Variants in CYP4F12 observed in about 807,000 individuals in gnomAD.
CYP4F12 encodes cytochrome P450 family 4 subfamily F member 12, also known as cytochrome P450 4F12.
Under a neutral mutation model 56.5 loss-of-function variants are expected in CYP4F12, and 60 were observed. That is an observed-to-expected ratio of 1.06 (90% CI 0.86 to 1.32). CYP4F12 has a LOEUF of 1.32. Among genes scored for constraint, CYP4F12 ranks in the 40% most tolerant of loss-of-function variants. The pLI, the probability that CYP4F12 is intolerant of heterozygous loss-of-function variation, is 0.00. For missense variants in CYP4F12, 711 were observed against 683.5 expected (o/e 1.04, Z -0.45); for synonymous variants, 263 against 264.9 (o/e 0.99, Z 0.07).
intron 9 of CYP4F12, among the ~76,000 whole-genome samples, chr19:15,687,237 A>G (rs2007657495): frequency 6.6e-6 from 1 of 150,822 alleles, no homozygotes; most frequent in African/African-American, 2.4e-5. Flanking sequence ...AGATGGCACC[A>G]TTGCACTCCA....
intron 5 of CYP4F12, 190 bp downstream of exon 5, chr19:15,680,709 A>G (rs2007250882): frequency 1.4e-6 from 1 of 719,486 alleles, no homozygotes; most frequent in African/African-American, 1.7e-5. Flanking sequence ...GGCACACAGT[A>G]GGTTCTCAGA....
At chr19:15,678,121 A>T in intron 2 of CYP4F12, 140 bp from the exon 3 acceptor site, 2 of 1,109,174 alleles carry the variant, frequency 1.8e-6, no homozygotes, top group Non-Finnish European at 2.6e-6. Context: ...TTACCTTCAA[A>T]TGCTAATCTC....
chr19:15,681,271 C>T (rs673020), intron 5 of CYP4F12: 3,754 of 152,292 alleles, frequency 0.025, 17 homozygotes, highest in African/African-American at 0.087. Context: ...TAAAATAGAA[C>T]GCATCTCTTA....
intron 9 of CYP4F12, among the ~76,000 whole-genome samples, chr19:15,685,519 C>G (rs1460217322): frequency 6.6e-6 from 1 of 152,174 alleles, no homozygotes; most frequent in Non-Finnish European, 1.5e-5. Context: ...TTCGAAAATC[C>G]TCACTTCTTG....
intron 5 of CYP4F12, chr19:15,680,999 C>G (rs595381): frequency 0.021 from 4,918 of 236,092 alleles, 75 homozygotes; most frequent in African/African-American, 0.11. Context: ...CCTTCAGACT[C>G]ATCTGGGATG....
intron 9 of CYP4F12, among the ~76,000 whole-genome samples, chr19:15,689,947 C>T (rs967812382): frequency 6.6e-6 from 1 of 152,078 alleles, no homozygotes; most frequent in East Asian, 1.9e-4. Flanking sequence ...TTTGGAGACT[C>T]GGAGAGCAAG....
rs777997821 is a variant in CYP4F12, at chr19:15,697,054, G to A, written c.1544G>A (p.Arg515Gln). 12 of 1,614,012 alleles carry A rather than the reference G, an allele frequency of 7.4e-6. No individual in the cohort carries two copies. The highest frequency in any genetic ancestry group is 1.1e-5 in the South Asian group (1 of 91,072). The change falls in exon 13 of 13, where the codon CGG (arginine) becomes CAG (glutamine). Residue 515 changes from arginine (R) to glutamine (Q), a missense_variant. Transcript: ENST00000550308. ...IMRAEGGLWL[R>Q]VEPLNVSLQ is the part of the protein sequence containing the mutation. ...CGCGCCGAGGGCGGGCTTTGGCTGC[G>A]GGTGGAGCCCCTGAATGTAAGCTTG...
rs2007455952 is a variant in CYP4F12 at position 15,683,899 on chromosome 19, G to GT, written c.918+140dup. 3.4e-6 allele frequency: 4 copies of GT among 1,186,806 alleles called. No individual in the cohort carries two copies. The South Asian group carries it at 7.0e-5, about 21-fold the overall frequency. 73.5% of individuals were successfully genotyped at this position (1,186,806 alleles called of 1,614,324 possible). ...TTGAGAAAGGGAAGGTCACAGATAG[G>GT]TTTTAGAGATGACTTTATTGCATGC... is the stretch of plus-strand genomic sequence containing the variant. On this transcript the variant is annotated intron_variant, in intron 7 of 12. Transcript: ENST00000550308.
intron 9 of CYP4F12, among the ~76,000 whole-genome samples, chr19:15,695,310 A>G (rs1436565977): frequency 7.0e-6 from 1 of 142,814 alleles, no homozygotes; most frequent in East Asian, 2.2e-4. Flanking sequence ...CAATGAGAAC[A>G]CATGGACACA....
In CYP4F12 at chr19:15,682,403, C is replaced by G; in HGVS notation, c.540C>G (p.His180Gln). The G allele has an allele frequency of 6.2e-7, 1 of 1,613,268 alleles. No individual in the cohort carries two copies. The highest frequency in any genetic ancestry group is 1.1e-5 in the South Asian group (1 of 91,076). ...TCTCTGGCCAGGACAAGTGGCAGCACCTGGCCTCAGAGGGCAGCAGTCGTC... is the reference window on the plus strand; with the variant it reads ...TCTCTGGCCAGGACAAGTGGCAGCAGCTGGCCTCAGAGGGCAGCAGTCGTC... Reference protein sequence around the residue: ...SANIMLDKWQHLASEGSSRLD... With the variant: ...SANIMLDKWQQLASEGSSRLD... The change falls in exon 6 of 13, where the codon CAC (histidine) becomes CAG (glutamine). Residue 180 changes from histidine to glutamine, a missense_variant. Physicochemically the swap from His to Gln is conservative, Grantham distance 24 (BLOSUM62 0). Transcript: ENST00000550308.
intron 9 of CYP4F12, among the ~76,000 whole-genome samples, chr19:15,686,975 A>G (rs188112946): frequency 1.3e-5 from 2 of 152,316 alleles, no homozygotes; most frequent in Admixed American, 1.3e-4. Context: ...TGTAAACAAA[A>G]AAAAGTGTCT....
Position 15,696,206 on chromosome 19 carries a change from C to A in CYP4F12, c.1295C>A (p.Thr432Asn), listed in dbSNP as rs201153990. 227 of 1,614,152 alleles carry A rather than the reference C, an allele frequency of 1.4e-4. 2 individuals are homozygous for A. The East Asian group carries it at 4.8e-3, about 34-fold the overall frequency. The part of the protein sequence containing the change: ...IDIIGVHHNP[T>N]VWPDPEVYDP... ...ATTATAGGGGTCCATCACAACCCAA[C>A]TGTGTGGCCGGATCCTGAGGTGCTG... The change falls in exon 11 of 13, where the codon ACT becomes AAT. Residue 432 changes from threonine (T) to asparagine (N), a missense_variant. By Grantham distance (65) the Thr-to-Asn change is moderately conservative. Coordinates refer to ENST00000550308, the MANE Select transcript of CYP4F12 (RefSeq NM_023944.4).
At chr19:15,679,896 G>A (rs688097) in intron 3 of CYP4F12, among the ~76,000 whole-genome samples, 3,738 of 152,128 alleles carry the variant, frequency 0.025, 16 homozygotes, top group African/African-American at 0.086. Flanking sequence ...TCCATGTCAG[G>A]AGATGACAGA....
At position 15,682,514 on chromosome 19, in the gene CYP4F12, A is replaced by C. The variant is rs759588710; in HGVS notation, c.647+4A>C. 6.8e-6 allele frequency: 11 copies of C among 1,612,912 alleles called. No individual in the cohort carries two copies. The highest frequency in any genetic ancestry group is 7.6e-6 in the Non-Finnish European group (9 of 1,179,292). On this transcript the variant is annotated splice_donor_region_variant and intron_variant, in intron 6 of 12. Transcript: ENST00000550308. The stretch of plus-strand genomic sequence containing the variant: ...GCTTTGACAGCCATTGTCAGGAGTG[A>C]GTTCCTTCCTAGGGCCTGGGATATG...
chr19:15,686,191 G>A (rs1026612164), intron 9 of CYP4F12, among the ~76,000 whole-genome samples: 15 of 152,172 alleles, frequency 9.9e-5, no homozygotes, highest in Admixed American at 2.0e-4. Flanking sequence ...GGTGGCTGTC[G>A]CTTGTGATAC....
intron 9 of CYP4F12, among the ~76,000 whole-genome samples, chr19:15,685,928 C>T (rs1268281302): frequency 6.6e-6 from 1 of 152,216 alleles, no homozygotes; most frequent in African/African-American, 2.4e-5. Flanking sequence ...CTGCATCGTT[C>T]ATCCATTCAG....
rs537636915 is a variant in CYP4F12 at position 15,674,287 on chromosome 19, T to A, written c.198+560T>A. 8.5e-4 allele frequency among the ~76,000 whole-genome samples: 14 copies of A among 16,450 alleles called. 6 individuals carry two copies. Among genetic ancestry groups the A allele is most frequent in the African/African-American group, 2.5e-3 (14 of 5,620 alleles). 10.8% of individuals were successfully genotyped at this position (16,450 alleles called of 152,430 possible). On this transcript the variant is annotated intron_variant, in intron 2 of 12. Coordinates refer to ENST00000550308, the MANE Select transcript of CYP4F12 (RefSeq NM_023944.4). ...CCTCCTCACTCACTCATTCCTCTCC[T>A]CACTCACTCATTCCCCTCCTCACTC...
chr19:15,685,609 C>CTAGTACT lies in CYP4F12; in HGVS notation c.1115+412_1115+413insTAGTACT, dbSNP rs527451609. The stretch of plus-strand genomic sequence containing the variant: ...GCTTAGTAGTACTAGGAGCAGAGCA[C>CTAGTACT]AGAGGCAGAACTTGGTATCCAACCT... On this transcript the variant is annotated intron_variant, in intron 9 of 12. Transcript: ENST00000550308. Among the ~76,000 whole-genome samples, 50 of 152,242 alleles carry CTAGTACT rather than the reference C, an allele frequency of 3.3e-4. No individual in the cohort carries two copies. The East Asian group carries it at 7.0e-3, about 21-fold the overall frequency.
chr19:15,675,879 C>A (rs535556772), intron 2 of CYP4F12, among the ~76,000 whole-genome samples: 1 of 152,126 alleles, frequency 6.6e-6, no homozygotes, highest in Non-Finnish European at 1.5e-5. Flanking sequence ...CTTCTTATCT[C>A]TAATGCATGT....
Sources: gnomAD v4.1 joint callset for allele counts (sites outside exome capture counted in the v4.1 genomes callset) on GRCh38, gnomAD v4.1.1 for gene constraint, MANE v1.5 for transcripts, NCBI Gene and HGNC (gene_info 2026-07-23, HGNC 2026-07-21) for gene names.